The following FNDC3B variants were observed in gnomAD, a reference collection of about 807,000 sequenced individuals.
The protein encoded by FNDC3B is fibronectin type III domain-containing protein 3B.
Under a neutral mutation model 151.5 loss-of-function variants are expected in FNDC3B, and 12 were observed. The ratio of observed to expected loss-of-function variants is 0.08; its 90% confidence interval spans 0.05 to 0.13. The LOEUF (loss-of-function observed/expected upper bound fraction) is 0.13, where lower values mean the gene tolerates loss of function less well. Among genes scored for constraint, FNDC3B ranks in the 10% least tolerant of loss-of-function variants. The pLI, the probability that FNDC3B is intolerant of heterozygous loss-of-function variation, is 1.00. For missense variants in FNDC3B, 1,214 were observed against 1,505.3 expected (o/e 0.81, Z 3.20); for synonymous variants, 528 against 549.0 (o/e 0.96, Z 0.54).
At chr3:172,050,763 T>A (rs1716607976) in intron 1 of FNDC3B, among the ~76,000 whole-genome samples, 1 of 150,736 alleles carries the variant, frequency 6.6e-6, no homozygotes, top group Admixed American at 6.6e-5. Flanking sequence ...ATATATACTC[T>A]TTATATAGTG....
chr3:172,198,426 C>G (rs968294028), intron 3 of FNDC3B, among the ~76,000 whole-genome samples: 24 of 152,162 alleles, frequency 1.6e-4, no homozygotes, highest in African/African-American at 5.8e-4. Context: ...TTACATCTTA[C>G]TATGTAGTTT....
intron 11 of FNDC3B, among the ~76,000 whole-genome samples, chr3:172,312,280 G>A (rs1731543216): frequency 6.6e-6 from 1 of 152,172 alleles, no homozygotes; most frequent in East Asian, 1.9e-4. Context: ...TTGTTCTTAG[G>A]ATCGTTTCGA....
chr3:172,255,588 G>A (rs1442532856), intron 6 of FNDC3B, among the ~76,000 whole-genome samples: 1 of 152,190 alleles, frequency 6.6e-6, no homozygotes, highest in African/African-American at 2.4e-5. Flanking sequence ...TGTATTCTTA[G>A]TAAAGGCGGG....
intron 11 of FNDC3B, among the ~76,000 whole-genome samples, chr3:172,312,443 A>G (rs1301806295): frequency 6.6e-6 from 1 of 152,126 alleles, no homozygotes; most frequent in Admixed American, 6.5e-5. Flanking sequence ...TTGGAAAGAA[A>G]CTCGAATGAC....
At chr3:172,331,351 G>T (rs1211638932) in intron 13 of FNDC3B, among the ~76,000 whole-genome samples, 1 of 151,940 alleles carries the variant, frequency 6.6e-6, no homozygotes, top group East Asian at 1.9e-4. Context: ...CCTCTAGTCT[G>T]TTCTTTTTGT....
At chr3:172,349,372 G>A (rs773469243) in intron 21 of FNDC3B, among the ~76,000 whole-genome samples, 3 of 152,144 alleles carry the variant, frequency 2.0e-5, no homozygotes, top group Non-Finnish European at 4.4e-5. Flanking sequence ...TTGAATTTTT[G>A]TATTTTCAGG....
intron 1 of FNDC3B, among the ~76,000 whole-genome samples, chr3:172,066,181 C>T (rs73879900): frequency 0.02 from 3,047 of 152,200 alleles, 98 homozygotes; most frequent in African/African-American, 0.07. Context: ...TCTGTCTTCC[C>T]ATGATTCTGT....
intron 1 of FNDC3B, among the ~76,000 whole-genome samples, chr3:172,073,879 A>G (rs1329054935): frequency 6.6e-6 from 1 of 152,068 alleles, no homozygotes; most frequent in African/African-American, 2.4e-5. Flanking sequence ...ACAAAAAAAA[A>G]AAAAGTAACA....
At chr3:172,149,046 T>A (rs983149757) in intron 3 of FNDC3B, among the ~76,000 whole-genome samples, 2 of 152,206 alleles carry the variant, frequency 1.3e-5, no homozygotes, top group African/African-American at 4.8e-5. Context: ...CTCTGGATAA[T>A]GTATTTAGGA....
intron 6 of FNDC3B, among the ~76,000 whole-genome samples, chr3:172,273,275 T>C (rs751468119): frequency 3.3e-5 from 5 of 152,224 alleles, no homozygotes; most frequent in African/African-American, 4.8e-5. Flanking sequence ...AACTAGACAA[T>C]ATAACTACTT....
chr3:172,327,699 C>T (rs1022074044), intron 11 of FNDC3B, among the ~76,000 whole-genome samples: 3 of 152,164 alleles, frequency 2.0e-5, no homozygotes, highest in Non-Finnish European at 4.4e-5. Context: ...CCACCGCGCC[C>T]GGCCAGTGTG....
At chr3:172,182,735 G>T (rs546727213) in intron 3 of FNDC3B, among the ~76,000 whole-genome samples, 1 of 152,206 alleles carries the variant, frequency 6.6e-6, no homozygotes, top group Non-Finnish European at 1.5e-5. Flanking sequence ...AAGTAAAAGT[G>T]CAGTGATACA....
intron 3 of FNDC3B, among the ~76,000 whole-genome samples, chr3:172,220,182 TG>T (rs1726208953): frequency 6.6e-6 from 1 of 152,176 alleles, no homozygotes; most frequent in African/African-American, 2.4e-5. Context: ...TGTGTGTGTG[TG>T]TGTCTTTTAA....
intron 11 of FNDC3B, among the ~76,000 whole-genome samples, chr3:172,320,182 C>T (rs1341847867): frequency 6.6e-6 from 1 of 152,008 alleles, no homozygotes; most frequent in Non-Finnish European, 1.5e-5. Context: ...GAGTTTGAGA[C>T]CAGCCTGACC....
intron 4 of FNDC3B, chr3:172,227,275 T>C (rs927298596): frequency 4.9e-6 from 1 of 204,804 alleles, no homozygotes. Context: ...TGGAAGAAAA[T>C]TCATAGATGT....
At chr3:172,117,376 G>A (rs1304911400) in intron 2 of FNDC3B, among the ~76,000 whole-genome samples, 1 of 152,152 alleles carries the variant, frequency 6.6e-6, no homozygotes, top group Non-Finnish European at 1.5e-5. Context: ...TCAGAAGCTT[G>A]TGGTATATTA....
chr3:172,336,583 T>C (rs953410811), intron 15 of FNDC3B, among the ~76,000 whole-genome samples: 1 of 152,218 alleles, frequency 6.6e-6, no homozygotes, highest in Non-Finnish European at 1.5e-5. Context: ...TGTACTTCTC[T>C]TTCCGTTCCT....
At chr3:172,068,773 T>G (rs576865187) in intron 1 of FNDC3B, among the ~76,000 whole-genome samples, 8 of 152,326 alleles carry the variant, frequency 5.3e-5, no homozygotes, top group African/African-American at 1.9e-4. Context: ...GTCAGGAAAT[T>G]TAATAATAAG....
chr3:172,361,421 A>G (rs1576946111), intron 22 of FNDC3B, among the ~76,000 whole-genome samples: 1 of 152,294 alleles, frequency 6.6e-6, no homozygotes, highest in African/African-American at 2.4e-5. Flanking sequence ...ACTCTTAGAA[A>G]TTTATTTTGC....
Sources: allele counts gnomAD v4.1 joint callset (sites outside exome capture counted in the v4.1 genomes callset), GRCh38; gene constraint gnomAD v4.1.1; transcripts MANE v1.5; gene names NCBI Gene and HGNC (gene_info 2026-07-23, HGNC 2026-07-21).